Variants in DCLK1 observed in about 807,000 individuals in gnomAD.
The protein encoded by DCLK1 is serine/threonine-protein kinase DCLK1.
DCLK1 carries 16 observed loss-of-function variants against 86.2 expected under a neutral mutation model. The observed-to-expected ratio is 0.19, with a 90% CI of 0.13 to 0.28. The LOEUF is 0.28. DCLK1 is among the 10% of genes least tolerant of loss of function. The pLI is 1.00. For missense variants in DCLK1, 590 were observed against 940.2 expected (o/e 0.63, Z 4.87); for synonymous variants, 369 against 370.5 (o/e 1.00, Z 0.05).
intron 6 of DCLK1, among the ~76,000 whole-genome samples, chr13:35,851,450 G>A (rs543619061): frequency 2.6e-5 from 4 of 151,674 alleles, no homozygotes; most frequent in Non-Finnish European, 4.4e-5. Flanking sequence ...TGCAGAGAGC[G>A]TCTAGAGTTG....
At position 35,772,736 on chromosome 13, in the gene DCLK1, G is replaced by T. The variant is rs1593573532; in HGVS notation, c.*1799C>A. On this transcript the variant is annotated 3_prime_UTR_variant, in exon 17 of 17. Transcript: ENST00000360631. ...TCAGGACAACACAGACCACAGAGAT[G>T]AACCTAAATGTAAAAGAGCAAAAAA... 6.6e-6 allele frequency: 1 copy of T among 152,246 alleles called. No individual in the cohort carries two copies. Among genetic ancestry groups the T allele is most frequent in the East Asian group, 1.9e-4 (1 of 5,178 alleles). 9.4% of individuals were successfully genotyped at this position (152,246 alleles called of 1,614,324 possible).
intron 3 of DCLK1, among the ~76,000 whole-genome samples, chr13:36,096,292 GA>G (rs1230893461): frequency 6.6e-6 from 1 of 152,152 alleles, no homozygotes; most frequent in Non-Finnish European, 1.5e-5. Context: ...CTTCACAGGG[GA>G]GACCGGTCCT....
intron 11 of DCLK1, among the ~76,000 whole-genome samples, chr13:35,819,130 C>G (rs956933354): frequency 6.6e-6 from 1 of 152,136 alleles, no homozygotes; most frequent in East Asian, 1.9e-4. Flanking sequence ...GCATGACAAC[C>G]AGTAAAGCAA....
At chr13:35,994,695 C>A (rs1880397848) in intron 3 of DCLK1, among the ~76,000 whole-genome samples, 1 of 152,208 alleles carries the variant, frequency 6.6e-6, no homozygotes, top group African/African-American at 2.4e-5. Context: ...CCAGGCTTGA[C>A]AAATGTGGCA....
intron 11 of DCLK1, among the ~76,000 whole-genome samples, chr13:35,814,727 T>C (rs985281017): frequency 2.0e-5 from 3 of 152,246 alleles, no homozygotes; most frequent in Admixed American, 1.3e-4. Context: ...TGAGGGGCTA[T>C]TAAAGGGACA....
intron 3 of DCLK1, among the ~76,000 whole-genome samples, chr13:36,084,748 T>C (rs1884536154): frequency 6.6e-6 from 1 of 152,182 alleles, no homozygotes; most frequent in South Asian, 2.1e-4. Flanking sequence ...CAAGCAAGTT[T>C]GTAAAAACTG....
intron 3 of DCLK1, among the ~76,000 whole-genome samples, chr13:35,994,908 A>C (rs1046820660): frequency 2.0e-5 from 3 of 152,260 alleles, no homozygotes; most frequent in Non-Finnish European, 4.4e-5. Context: ...TAAATCAGCA[A>C]TGAAAGGCAC....
chr13:36,047,013 G>A (rs924153485), intron 3 of DCLK1, among the ~76,000 whole-genome samples: 10 of 152,134 alleles, frequency 6.6e-5, no homozygotes, highest in South Asian at 2.1e-4. Context: ...ATTAAAAAAC[G>A]AGCAAAGCAC....
In DCLK1 at chr13:35,774,459, G is replaced by C. The variant is rs1266323475; in HGVS notation, c.*76C>G. 3.3e-6 allele frequency: 5 copies of C among 1,518,324 alleles called. No individual in the cohort carries two copies. The highest frequency in any genetic ancestry group is 3.6e-6 in the Non-Finnish European group (4 of 1,123,894). 94.1% of individuals were successfully genotyped at this position (1,518,324 alleles called of 1,614,324 possible). ...AGCGCTAGATAGATCAGATGAAACT[G>C]TTTTACACAAATTTGGGGGAAAAAA... On this transcript the variant is annotated 3_prime_UTR_variant, in exon 17 of 17. Coordinates refer to ENST00000360631, the MANE Select transcript of DCLK1 (RefSeq NM_001330071.2).
intron 4 of DCLK1, among the ~76,000 whole-genome samples, chr13:35,944,744 A>T (rs1474282344): frequency 6.6e-6 from 1 of 152,062 alleles, no homozygotes; most frequent in Non-Finnish European, 1.5e-5. Flanking sequence ...CAGGGAAGGG[A>T]TGTGAAGTTC....
chr13:35,882,232 A>G (rs1029225991), intron 4 of DCLK1, among the ~76,000 whole-genome samples: 1 of 152,032 alleles, frequency 6.6e-6, no homozygotes, highest in Non-Finnish European at 1.5e-5. Flanking sequence ...CCATCTTTAC[A>G]TGGACTTCTC....
At chr13:36,028,986 T>G (rs1250365025) in intron 3 of DCLK1, among the ~76,000 whole-genome samples, 1 of 152,196 alleles carries the variant, frequency 6.6e-6, no homozygotes, top group Non-Finnish European at 1.5e-5. Flanking sequence ...CACACCTTGT[T>G]TAGCATGTAA....
intron 4 of DCLK1, among the ~76,000 whole-genome samples, chr13:35,943,291 T>G (rs957315983): frequency 1.3e-5 from 2 of 152,156 alleles, no homozygotes; most frequent in Admixed American, 6.5e-5. Flanking sequence ...TGAGGACGGA[T>G]TCTTCCCTAG....
chr13:35,939,316 G>A (rs553483345), intron 4 of DCLK1, among the ~76,000 whole-genome samples: 1 of 152,264 alleles, frequency 6.6e-6, no homozygotes, highest in Admixed American at 6.5e-5. Flanking sequence ...GATCATACCA[G>A]ATTTTATATC....
chr13:36,109,421 G>C (rs185766399), intron 3 of DCLK1, among the ~76,000 whole-genome samples: 1 of 152,328 alleles, frequency 6.6e-6, no homozygotes, highest in Admixed American at 6.5e-5. Flanking sequence ...ACCAGCACAA[G>C]CTCTGGAGCA....
At chr13:35,978,527 A>C (rs1421121975) in intron 3 of DCLK1, among the ~76,000 whole-genome samples, 1 of 152,012 alleles carries the variant, frequency 6.6e-6, no homozygotes, top group Non-Finnish European at 1.5e-5. Flanking sequence ...TTTTTCATTC[A>C]ATAAGTCTAC....
At chr13:36,088,958 A>G (rs1884715433) in intron 3 of DCLK1, among the ~76,000 whole-genome samples, 1 of 152,212 alleles carries the variant, frequency 6.6e-6, no homozygotes. Context: ...ACTTTTCTGA[A>G]TACTTTTTTA....
intron 4 of DCLK1, among the ~76,000 whole-genome samples, chr13:35,920,382 C>G (rs1300990962): frequency 1.3e-5 from 2 of 152,170 alleles, no homozygotes; most frequent in East Asian, 3.8e-4. Flanking sequence ...ATCAGTGAGG[C>G]AGAGTCTATA....
At chr13:36,017,954 A>T (rs1408603240) in intron 3 of DCLK1, among the ~76,000 whole-genome samples, 1 of 152,190 alleles carries the variant, frequency 6.6e-6, no homozygotes, top group Non-Finnish European at 1.5e-5. Context: ...TCCCAAGCAC[A>T]TGAGGTCAGT....
Sources: allele counts gnomAD v4.1 joint callset (sites outside exome capture counted in the v4.1 genomes callset), GRCh38; gene constraint gnomAD v4.1.1; transcripts MANE v1.5; gene names NCBI Gene and HGNC (gene_info 2026-07-23, HGNC 2026-07-21).